VGLL4: variants seen among roughly 807,000 people sequenced by gnomAD.
VGLL4 encodes transcription cofactor vestigial-like protein 4.
A neutral mutation model predicts 21.0 loss-of-function variants in VGLL4; 7 were observed. The observed-to-expected ratio is 0.33, with a 90% confidence interval of 0.19 to 0.63. The LOEUF is 0.63. Among genes scored for constraint, VGLL4 ranks in the 20% least tolerant of loss-of-function variants. The probability of loss-of-function intolerance (pLI) is 0.78; values close to 1 mark genes in which losing one functional copy is unlikely to be tolerated. For synonymous variants in VGLL4, 222 were observed against 173.2 expected, an observed-to-expected ratio of 1.28 and a Z score of -2.21; for missense variants, 394 against 425.7, an observed-to-expected ratio of 0.93 and a Z score of 0.66.
chr3:11,711,019 G>A lies in VGLL4; in HGVS notation c.-13-7972C>T, dbSNP rs971178453. 3.3e-5 allele frequency among the ~76,000 whole-genome samples: 5 copies of A among 151,728 alleles called. No homozygotes were observed. In the East Asian group the frequency reaches 5.8e-4, roughly 18 times the overall value. ...GGAGGCTGAGGCAGGAGAATCACTCGAACCCGGGAGGCGGAGTTTGCAGTA... is the reference window on the plus strand; with the variant it reads ...GGAGGCTGAGGCAGGAGAATCACTCAAACCCGGGAGGCGGAGTTTGCAGTA... On this transcript the variant is annotated intron_variant, in intron 1 of 5. Coordinates refer to the VGLL4 transcript ENST00000273038.
chr3:11,571,348 A>ACAGCCAGCATCC (rs1257201228), intron 2 of VGLL4, among the ~76,000 whole-genome samples: 21 of 152,222 alleles, frequency 1.4e-4, no homozygotes, highest in African/African-American at 4.8e-4. Flanking sequence ...AGCCAGCATC[A>ACAGCCAGCATCC]CTGCCACAAC....
At chr3:11,607,871 C>T (rs1356771317) in intron 1 of VGLL4, among the ~76,000 whole-genome samples, 1 of 152,182 alleles carries the variant, frequency 6.6e-6, no homozygotes, top group Non-Finnish European at 1.5e-5. Flanking sequence ...GTGACTTAGG[C>T]TCTTGGATTC....
intron 2 of VGLL4, among the ~76,000 whole-genome samples, chr3:11,596,468 T>C (rs1264168362): frequency 6.6e-6 from 1 of 152,166 alleles, no homozygotes; most frequent in Non-Finnish European, 1.5e-5. Flanking sequence ...GAGTGGACCA[T>C]GAGTACATGT....
At chr3:11,570,260 G>A (rs2574728) in intron 2 of VGLL4, among the ~76,000 whole-genome samples, 1 of 151,528 alleles carries the variant, frequency 6.6e-6, no homozygotes. Context: ...CCATCACCTC[G>A]CAGCTCCATC....
chr3:11,573,287 G>A (rs1179144152), intron 2 of VGLL4, among the ~76,000 whole-genome samples: 1 of 9,946 alleles, frequency 1.0e-4, no homozygotes, highest in African/African-American at 7.0e-4. Flanking sequence ...AAGAAAGAAA[G>A]AAAGAAAGAA....
At chr3:11,643,336 C>A in intron 1 of VGLL4, 101 bp downstream of exon 1, 1 of 1,590,276 alleles carries the variant, frequency 6.3e-7, no homozygotes, top group South Asian at 1.1e-5. Context: ...GCCCTACACC[C>A]CGGAGGAGGA....
Position 11,626,480 on chromosome 3 carries a change from A to G in VGLL4, c.82+16957T>C. The G allele has an allele frequency of 1.1e-5, 5 of 452,830 alleles. 1 individual carries two copies. Among genetic ancestry groups the G allele is most frequent in the Admixed American group, 7.2e-5 (3 of 41,508 alleles). The allele number at this position is 452,830 out of a possible 1,614,324, so 28.1% of individuals were successfully genotyped here. ...AGTTGTTTTGGTTTTTTCTCATGAC[A>G]CAAAAGATCTGGCAGAGCTGGAGAT... On this transcript the variant is annotated intron_variant, in intron 1 of 4. Coordinates refer to ENST00000430365, the MANE Select transcript of VGLL4 (RefSeq NM_001128219.3).
intron 1 of VGLL4, among the ~76,000 whole-genome samples, chr3:11,618,203 G>A (rs1053881586): frequency 1.3e-5 from 2 of 152,110 alleles, no homozygotes; most frequent in Admixed American, 6.5e-5. Context: ...TTAGATTGGT[G>A]TCAGGCTAAT....
rs112472916 is a variant in VGLL4 at position 11,568,794 on chromosome 3, G to A, written c.273-3775C>T. The A allele has an allele frequency of 2.3e-5, 33 of 1,449,092 alleles. No homozygotes were observed. The African/African-American group carries it at 3.3e-4, about 14-fold the overall frequency. 89.8% of individuals were successfully genotyped at this position (1,449,092 alleles called of 1,614,324 possible). A position where few individuals can be genotyped will look rare whatever the true frequency, so the allele number is the denominator to read the frequency against. ...TCCGCTCCTGGTCAGGACTGTGCCC[G>A]AGAGAGCCCACGGCATCCCCGCGAA... is the stretch of plus-strand genomic sequence containing the variant. On this transcript the variant is annotated intron_variant, in intron 2 of 4. Coordinates refer to ENST00000430365, the MANE Select transcript of VGLL4 (RefSeq NM_001128219.3). The surrounding 1 kb of genome is among the most constrained non-coding windows in gnomAD (Gnocchi z 5.9).
intron 2 of VGLL4, chr3:11,582,352 C>T (rs2074251160): frequency 3.2e-6 from 5 of 1,580,662 alleles, no homozygotes; most frequent in Admixed American, 3.7e-5. Context: ...AGCCTTGGGC[C>T]TCACAAACTT....
At chr3:11,645,776 A>C (rs919358685), upstream of VGLL4, among the ~76,000 whole-genome samples, 1 of 151,906 alleles carries the variant, frequency 6.6e-6, no homozygotes, top group African/African-American at 2.4e-5. Context: ...GTTTGAGAAC[A>C]GTCTGGCCAA....
chr3:11,656,295 T>C (rs894766396), intron 2 of VGLL4, among the ~76,000 whole-genome samples: 2 of 152,158 alleles, frequency 1.3e-5, no homozygotes, highest in African/African-American at 4.8e-5. Context: ...CAGGCCTCTG[T>C]GGAAAGTGAC....
At chr3:11,672,371 T>C (rs1250401071) in intron 2 of VGLL4, among the ~76,000 whole-genome samples, 1 of 37,714 alleles carries the variant, frequency 2.7e-5, no homozygotes, top group Non-Finnish European at 4.6e-5. Context: ...TATGCTTCTA[T>C]TTAGTGTTTT....
At chr3:11,622,417 CAA>C (rs56790337) in intron 1 of VGLL4, among the ~76,000 whole-genome samples, 85,694 of 148,720 alleles carry the variant, frequency 0.58, 25,606 homozygotes, top group Non-Finnish European at 0.69. Flanking sequence ...ATGGTTTTTA[CAA>C]AAAAAAAAAA....
rs1232257542 is a variant in VGLL4 at position 11,568,533 on chromosome 3, A to C, written c.273-3514T>G. The C allele has an allele frequency of 1.6e-5, 25 of 1,544,708 alleles. No homozygotes were observed. The Middle Eastern group carries it at 5.0e-4, about 31-fold the overall frequency. Reference sequence around the variant, plus strand: ...ACAGTGGGCACTATGGGTCAGACAAAGACACTGAAAACAGCGAGAAAAGGC... The same window carrying C: ...ACAGTGGGCACTATGGGTCAGACAACGACACTGAAAACAGCGAGAAAAGGC... On this transcript the variant is annotated intron_variant, in intron 2 of 4. Coordinates refer to ENST00000430365, the MANE Select transcript of VGLL4 (RefSeq NM_001128219.3). This position sits in a 1 kb window ranked among gnomAD's most constrained non-coding sequence, Gnocchi z 5.9.
intron 1 of VGLL4, among the ~76,000 whole-genome samples, chr3:11,615,891 G>T (rs941104331): frequency 1.3e-5 from 2 of 152,176 alleles, no homozygotes; most frequent in African/African-American, 4.8e-5. Flanking sequence ...AATATTTGTT[G>T]AATAAGGGAC....
chr3:11,591,553 C>T (rs190202049), intron 2 of VGLL4, among the ~76,000 whole-genome samples: 2 of 152,352 alleles, frequency 1.3e-5, no homozygotes, highest in East Asian at 3.9e-4. Flanking sequence ...GATGTCAGCT[C>T]TTAAGAGCAC....
chr3:11,670,580 ATAAG>A (rs1228260984), intron 2 of VGLL4, among the ~76,000 whole-genome samples: 1 of 152,226 alleles, frequency 6.6e-6, no homozygotes, highest in African/African-American at 2.4e-5. Context: ...TGCATTACAT[ATAAG>A]TAATATAACC....
intron 2 of VGLL4, among the ~76,000 whole-genome samples, chr3:11,696,475 C>T (rs577174760): frequency 1.7e-4 from 26 of 152,316 alleles, no homozygotes; most frequent in African/African-American, 4.8e-4. Context: ...TGAATATTAC[C>T]GGCTCCTTTT....
Sources: gnomAD v4.1 joint callset for allele counts (sites outside exome capture counted in the v4.1 genomes callset) on GRCh38, gnomAD v4.1.1 for gene constraint, Gnocchi (gnomAD v3.1) non-coding constraint, MANE v1.5 for transcripts, NCBI Gene and HGNC (gene_info 2026-07-23, HGNC 2026-07-21) for gene names.